Variants in ROBO2 observed in about 807,000 individuals in gnomAD.
ROBO2 encodes the protein roundabout guidance receptor 2, also known as roundabout homolog 2.
Under a neutral mutation model 160.8 loss-of-function variants are expected in ROBO2, and 53 were observed. The ratio of observed to expected loss-of-function variants is 0.33; its 90% CI spans 0.26 to 0.41. The LOEUF (loss-of-function observed/expected upper bound fraction) is 0.41. Ranked by LOEUF, ROBO2 falls within the 10% of genes least tolerant of loss-of-function variation. The pLI is 1.00. For synonymous variants in ROBO2, 664 were observed against 611.7 expected (o/e 1.09, Z -1.26); for missense variants, 1,577 against 1,722.4 (o/e 0.92, Z 1.49).
chr3:76,343,135 C>T (rs149560467), intron 2 of ROBO2, among the ~76,000 whole-genome samples: 3,991 of 151,946 alleles, frequency 0.026, 122 homozygotes, highest in African/African-American at 0.073. Flanking sequence ...GTGAATTGTT[C>T]AAGGTGGAAT....
At chr3:76,821,736 A>G (rs983848700) in intron 2 of ROBO2, among the ~76,000 whole-genome samples, 3 of 152,058 alleles carry the variant, frequency 2.0e-5, no homozygotes, top group African/African-American at 7.2e-5. Flanking sequence ...TTATCATAAA[A>G]TATCAGTGGC....
chr3:76,814,372 C>T (rs1034805670), intron 2 of ROBO2, among the ~76,000 whole-genome samples: 3 of 152,098 alleles, frequency 2.0e-5, no homozygotes, highest in Admixed American at 6.6e-5. Context: ...CTCTTTTCCA[C>T]ATCTTTTTTG....
chr3:77,315,725 C>T (rs1430482326), intron 2 of ROBO2, among the ~76,000 whole-genome samples: 1 of 152,028 alleles, frequency 6.6e-6, no homozygotes, highest in African/African-American at 2.4e-5. Flanking sequence ...GCAAGGTTTG[C>T]ACAGCGTCTT....
intron 2 of ROBO2, among the ~76,000 whole-genome samples, chr3:75,967,591 A>T (rs185883138): frequency 1.3e-4 from 19 of 151,598 alleles, no homozygotes; most frequent in African/African-American, 4.6e-4. Flanking sequence ...ACATTTATTT[A>T]TCCTAATAAT....
intron 18 of ROBO2, among the ~76,000 whole-genome samples, 173 bp downstream of exon 19, chr3:77,595,357 G>C (rs1284642251): frequency 6.6e-6 from 1 of 151,948 alleles, no homozygotes; most frequent in East Asian, 1.9e-4. Flanking sequence ...CACTTTAGAG[G>C]AATCAAGTCC....
chr3:76,987,419 G>C (rs1442736434), intron 2 of ROBO2, among the ~76,000 whole-genome samples: 4 of 146,796 alleles, frequency 2.7e-5, no homozygotes, highest in Middle Eastern at 6.9e-3. Flanking sequence ...ACTTCCCTTT[G>C]ATTGAAATCT....
At chr3:76,293,963 G>A (rs969963064) in intron 2 of ROBO2, among the ~76,000 whole-genome samples, 9 of 152,098 alleles carry the variant, frequency 5.9e-5, no homozygotes, top group Non-Finnish European at 1.2e-4. Context: ...GGCCCATGCT[G>A]AGCCACCACC....
rs2059697260 is a variant in ROBO2 at position 76,974,033 on chromosome 3, T to C, written c.110-123981T>C. On this transcript the variant is annotated intron_variant, in intron 2 of 26. Coordinates refer to the ROBO2 transcript ENST00000487694. The stretch of plus-strand genomic sequence containing the variant: ...GAATAACATGTTTTCCTTTTTAATT[T>C]TGGTGGTTCTGTTAACAAATCACAG... 2.6e-5 allele frequency among the ~76,000 whole-genome samples: 4 copies of C among 152,192 alleles called. No individual in the cohort carries two copies. In the South Asian group the frequency reaches 8.3e-4, roughly 31 times the overall value.
chr3:77,493,654 C>T (rs74578728), intron 5 of ROBO2, among the ~76,000 whole-genome samples: 1,782 of 152,250 alleles, frequency 0.012, 40 homozygotes, highest in African/African-American at 0.041. Flanking sequence ...TGCCTTCTTT[C>T]CCCTGGACCC....
At chr3:76,878,874 A>C (rs1351817783) in intron 2 of ROBO2, among the ~76,000 whole-genome samples, 1 of 152,164 alleles carries the variant, frequency 6.6e-6, no homozygotes, top group Non-Finnish European at 1.5e-5. Flanking sequence ...TGTTCATTTT[A>C]ATCTCTTGAT....
chr3:76,908,115 C>T (rs376833326), intron 2 of ROBO2, among the ~76,000 whole-genome samples: 7 of 152,104 alleles, frequency 4.6e-5, no homozygotes, highest in East Asian at 3.9e-4. Context: ...GCTAGGATTA[C>T]AGGCGTGAGC....
intron 2 of ROBO2, among the ~76,000 whole-genome samples, chr3:76,730,951 CCCG>C (rs1401218290): frequency 0.023 from 810 of 35,238 alleles, 80 homozygotes; most frequent in Non-Finnish European, 0.03. Flanking sequence ...CTACTCCCTA[CCCG>C]CTTCTCCTCA....
chr3:76,549,904 A>T (rs2083317283), intron 2 of ROBO2, among the ~76,000 whole-genome samples: 2 of 152,170 alleles, frequency 1.3e-5, no homozygotes, highest in South Asian at 4.1e-4. Context: ...AAGTAAACTC[A>T]TTCCTCTTAC....
At chr3:76,521,139 T>C (rs1449108328) in intron 2 of ROBO2, among the ~76,000 whole-genome samples, 2 of 150,428 alleles carry the variant, frequency 1.3e-5, no homozygotes, top group Non-Finnish European at 3.0e-5. Flanking sequence ...ACCTTTGCCT[T>C]TCGGGTTCAA....
chr3:76,126,975 G>A lies in ROBO2; in HGVS notation c.109+189373G>A, dbSNP rs73842997. ...AGATGGCCAAACACATGTCCTTTCC[G>A]TGTTTACCTCCAGATAATGCTTGGT... On this transcript the variant is annotated intron_variant, in intron 2 of 26. Coordinates refer to the ROBO2 transcript ENST00000487694. 5.0e-3 allele frequency among the ~76,000 whole-genome samples: 761 copies of A among 152,146 alleles called. 8 individuals carry two copies. The highest frequency in any genetic ancestry group is 0.011 in the African/African-American group (445 of 41,540).
chr3:76,566,354 C>T (rs2084521009), intron 2 of ROBO2, among the ~76,000 whole-genome samples: 2 of 152,276 alleles, frequency 1.3e-5, no homozygotes, highest in Non-Finnish European at 2.9e-5. Context: ...TGGAGGCACA[C>T]CCCAGAGGCC....
intron 2 of ROBO2, among the ~76,000 whole-genome samples, chr3:76,395,950 G>T (rs1045395799): frequency 6.6e-6 from 1 of 152,128 alleles, no homozygotes; most frequent in African/African-American, 2.4e-5. Flanking sequence ...GAAAAAGAGG[G>T]AATCCTCCCT....
chr3:76,745,808 TTTA>T (rs2093877144), intron 2 of ROBO2, among the ~76,000 whole-genome samples: 1 of 119,140 alleles, frequency 8.4e-6, no homozygotes, highest in Non-Finnish European at 1.7e-5. Flanking sequence ...TTTTTATTTA[TTTA>T]TTTATTTATT....
chr3:76,780,166 G>A (rs572524859), intron 2 of ROBO2, among the ~76,000 whole-genome samples: 2 of 149,426 alleles, frequency 1.3e-5, no homozygotes, highest in Admixed American at 6.7e-5. Flanking sequence ...ACCTTTACAT[G>A]TTGGGCATTT....
Sources: allele counts gnomAD v4.1 joint callset (sites outside exome capture counted in the v4.1 genomes callset), GRCh38; gene constraint gnomAD v4.1.1; transcripts MANE v1.5; gene names NCBI Gene and HGNC (gene_info 2026-07-23, HGNC 2026-07-21).